The following TENM4 variants were observed in gnomAD, a reference collection of about 807,000 sequenced individuals.
The protein encoded by TENM4 is teneurin-4.
Under a neutral mutation model 243.3 loss-of-function variants are expected in TENM4, and 82 were observed. That is an observed-to-expected ratio of 0.34 (90% CI 0.28 to 0.40). The LOEUF (loss-of-function observed/expected upper bound fraction) is 0.40, where lower values mean the gene tolerates loss of function less well. TENM4 is among the 10% of genes least tolerant of loss of function. The pLI is 1.00. For synonymous variants in TENM4, 1,412 were observed against 1,456.3 expected (o/e 0.97, Z 0.69); for missense variants, 3,138 against 3,673.3 (o/e 0.85, Z 3.77).
intron 1 of TENM4, among the ~76,000 whole-genome samples, chr11:79,421,287 T>C (rs1858925786): frequency 6.6e-6 from 1 of 152,222 alleles, no homozygotes; most frequent in African/African-American, 2.4e-5. Context: ...GCCACTTTCA[T>C]CCATATGTAT....
At chr11:79,416,195 C>T (rs1241343196) in intron 1 of TENM4, among the ~76,000 whole-genome samples, 2 of 152,230 alleles carry the variant, frequency 1.3e-5, no homozygotes, top group African/African-American at 2.4e-5. Context: ...AGAGGTGCCT[C>T]AAACATTCTT....
At chr11:78,874,997 G>C (rs1299691604) in intron 9 of TENM4, among the ~76,000 whole-genome samples, 1 of 152,198 alleles carries the variant, frequency 6.6e-6, no homozygotes, top group Non-Finnish European at 1.5e-5. Flanking sequence ...GAGGAAGCCT[G>C]GAGAACAGCA....
intron 25 of TENM4, among the ~76,000 whole-genome samples, chr11:78,715,944 A>G (rs2135818083): frequency 6.6e-6 from 1 of 152,264 alleles, no homozygotes; most frequent in Admixed American, 6.5e-5. Flanking sequence ...GATGACTACC[A>G]CTGATAAGAA....
intron 2 of TENM4, among the ~76,000 whole-genome samples, chr11:79,219,493 C>A (rs1028092425): frequency 3.3e-5 from 5 of 152,186 alleles, no homozygotes; most frequent in Admixed American, 6.5e-5. Context: ...AGGCATTGGG[C>A]AGGCTATTAG....
intron 1 of TENM4, among the ~76,000 whole-genome samples, chr11:79,321,507 G>C (rs1019705464): frequency 6.6e-6 from 1 of 152,070 alleles, no homozygotes; most frequent in Admixed American, 6.6e-5. Flanking sequence ...CACAGGAAAG[G>C]GGGAGGGGGC....
At chr11:79,353,889 C>T (rs1857455501) in intron 1 of TENM4, among the ~76,000 whole-genome samples, 1 of 152,176 alleles carries the variant, frequency 6.6e-6, no homozygotes, top group Admixed American at 6.5e-5. Flanking sequence ...TGCATAGCCT[C>T]TATGGCTGCT....
chr11:78,979,249 C>A (rs1270868478), intron 6 of TENM4, among the ~76,000 whole-genome samples: 2 of 152,104 alleles, frequency 1.3e-5, no homozygotes, highest in Non-Finnish European at 2.9e-5. Context: ...TCAGCCCTCC[C>A]AAGGGAGGGA....
At chr11:79,325,755 A>G (rs1275753196) in intron 1 of TENM4, among the ~76,000 whole-genome samples, 1 of 152,182 alleles carries the variant, frequency 6.6e-6, no homozygotes, top group Non-Finnish European at 1.5e-5. Flanking sequence ...CACTGGGTCA[A>G]AGATACAGAT....
chr11:79,296,327 G>A (rs502420), intron 2 of TENM4, among the ~76,000 whole-genome samples: 87,281 of 151,728 alleles, frequency 0.58, 25,416 homozygotes, highest in East Asian at 0.77. Context: ...AAGGGGGCCG[G>A]GGGGCTGTGT....
intron 1 of TENM4, among the ~76,000 whole-genome samples, chr11:79,398,257 C>A: frequency 6.6e-6 from 1 of 151,730 alleles, no homozygotes; most frequent in Admixed American, 6.6e-5. Flanking sequence ...AAATAGAATC[C>A]AATAAGAAGA....
chr11:79,333,804 G>A (rs1376603041), intron 1 of TENM4, among the ~76,000 whole-genome samples: 1 of 152,196 alleles, frequency 6.6e-6, no homozygotes, highest in Non-Finnish European at 1.5e-5. Context: ...CAATTAAAAA[G>A]TAAGACTCAA....
At chr11:79,257,944 A>G (rs1169019604) in intron 2 of TENM4, among the ~76,000 whole-genome samples, 1 of 152,238 alleles carries the variant, frequency 6.6e-6, no homozygotes, top group Non-Finnish European at 1.5e-5. Flanking sequence ...TGGTGAAAAC[A>G]GCCTGCAGAA....
At chr11:79,387,471 A>G (rs1202767076) in intron 1 of TENM4, among the ~76,000 whole-genome samples, 2 of 152,240 alleles carry the variant, frequency 1.3e-5, no homozygotes, top group Non-Finnish European at 2.9e-5. Context: ...AAGGCATTTA[A>G]TCTACCCAGC....
At chr11:78,729,152 C>T (rs1855591637) in intron 22 of TENM4, among the ~76,000 whole-genome samples, 1 of 152,154 alleles carries the variant, frequency 6.6e-6, no homozygotes, top group Admixed American at 6.5e-5. Flanking sequence ...CTTTTCAGGG[C>T]CCTTTGGTTC....
rs976220730 is a variant in TENM4, at chr11:78,732,379, T to C, written c.3075A>G (p.Pro1025=). 2.5e-6 allele frequency: 4 copies of C among 1,613,884 alleles called. No homozygotes were observed. The African/African-American group carries it at 5.3e-5, about 22-fold the overall frequency. The change falls in exon 21 of 34, where the codon CCA becomes CCG. Residue 1025 remains proline, a synonymous_variant. Coordinates refer to ENST00000278550, the MANE Select transcript of TENM4 (RefSeq NM_001098816.3). The part of the protein sequence containing the change: ...NFARPNPVVS[P]SPLTSFASSC... ...AGCTGGCGAAGGACGTCAGTGGGGA[T>C]GGAGAGACGACTGGGTTGGGGCGGG...
intron 12 of TENM4, among the ~76,000 whole-genome samples, chr11:78,830,067 C>T (rs572033030): frequency 4.6e-5 from 7 of 152,310 alleles, no homozygotes; most frequent in Admixed American, 2.0e-4. Flanking sequence ...CCCACATGGA[C>T]GTATTGGGGC....
intron 3 of TENM4, among the ~76,000 whole-genome samples, chr11:79,193,984 C>G (rs1010364240): frequency 6.6e-6 from 1 of 152,056 alleles, no homozygotes; most frequent in African/African-American, 2.4e-5. Context: ...TGAATTGTAT[C>G]TCCCAGAATT....
chr11:79,402,674 C>G (rs1180518380), intron 1 of TENM4, among the ~76,000 whole-genome samples: 1 of 152,118 alleles, frequency 6.6e-6, no homozygotes, highest in African/African-American at 2.4e-5. Flanking sequence ...CTACAAACAC[C>G]TCTCCTCTGC....
At chr11:78,999,603 A>C (rs1002710692) in intron 6 of TENM4, among the ~76,000 whole-genome samples, 9 of 152,206 alleles carry the variant, frequency 5.9e-5, no homozygotes, top group African/African-American at 1.9e-4. Flanking sequence ...CATAAGTGAA[A>C]ATTAGAATCC....
Sources: allele counts gnomAD v4.1 joint callset (sites outside exome capture counted in the v4.1 genomes callset), GRCh38; gene constraint gnomAD v4.1.1; transcripts MANE v1.5; gene names NCBI Gene and HGNC (gene_info 2026-07-23, HGNC 2026-07-21).